The following KCNC3 variants were observed in gnomAD, a reference collection of about 807,000 sequenced individuals.
KCNC3 encodes the protein potassium voltage-gated channel subfamily C member 3, also known as voltage-gated potassium channel KCNC3.
KCNC3 carries 22 observed loss-of-function variants against 43.9 expected under a neutral mutation model. That is an observed-to-expected ratio of 0.50 (90% CI 0.36 to 0.72). KCNC3 has a LOEUF of 0.72. KCNC3 is among the 30% of genes least tolerant of loss of function. The pLI, the probability that KCNC3 is intolerant of heterozygous loss-of-function variation, is 0.00. For synonymous variants in KCNC3, 492 were observed against 488.0 expected, an observed-to-expected ratio of 1.01 and a Z score of -0.11; for missense variants, 829 against 1,073.8, an observed-to-expected ratio of 0.77 and a Z score of 3.19.
upstream of KCNC3, among the ~76,000 whole-genome samples, chr19:50,333,249 C>A (rs920725141): frequency 1.3e-5 from 2 of 152,102 alleles, no homozygotes; most frequent in Non-Finnish European, 2.9e-5. Flanking sequence ...GGAGGGGTGA[C>A]CCAGCCCCGG....
At position 50,320,445 on chromosome 19, in the gene KCNC3, C is replaced by T. The variant is rs935501562; in HGVS notation, c.2171-96G>A. 1.0e-5 allele frequency: 7 copies of T among 688,388 alleles called. 1 individual carries two copies. The Admixed American group carries it at 1.4e-4, about 14-fold the overall frequency. 42.6% of individuals were successfully genotyped at this position (688,388 alleles called of 1,614,324 possible). On this transcript the variant is annotated intron_variant, in intron 3 of 4. Transcript: ENST00000477616. Reference sequence around the variant, plus strand: ...GGTGAGGAAACTTGGGGCGGGGGTACAGGGAAGATCTGGGAGGGAGGCAGT... The same window carrying T: ...GGTGAGGAAACTTGGGGCGGGGGTATAGGGAAGATCTGGGAGGGAGGCAGT...
At chr19:50,316,270 A>T (rs2036952420) in intron 4 of KCNC3, among the ~76,000 whole-genome samples, 179 bp from the exon 5 acceptor site, 1 of 148,400 alleles carries the variant, frequency 6.7e-6, no homozygotes, top group Non-Finnish European at 1.5e-5. Context: ...TCAAATATGG[A>T]AGGAGCTTCC....
At chr19:50,326,279 T>G (rs1225171982) in intron 1 of KCNC3, among the ~76,000 whole-genome samples, 1 of 152,140 alleles carries the variant, frequency 6.6e-6, no homozygotes, top group Non-Finnish European at 1.5e-5. Flanking sequence ...ATCCCGCTCC[T>G]CATCTCAGCA....
Position 50,328,781 on chromosome 19 carries a change from G to A in KCNC3, c.302C>T (p.Thr101Met). The change falls in exon 1 of 5, where the codon ACG becomes ATG. Residue 101 changes from threonine to methionine, a missense_variant. Around this residue, in one of 7 missense-constraint regions of KCNC3, gnomAD observed 121 missense variants for 247.4 expected, o/e 0.49. Coordinates refer to ENST00000477616, the MANE Select transcript of KCNC3 (RefSeq NM_004977.3). Reference sequence around the variant, plus strand: ...CAGGGTGCGCAGCGTCGAGCGGTACGTCTCATGGCGCACGCCGCCCACGTT... The same window carrying A: ...CAGGGTGCGCAGCGTCGAGCGGTACATCTCATGGCGCACGCCGCCCACGTT... The part of the protein sequence containing the change: ...VINVGGVRHE[T>M]YRSTLRTLPG... The A allele has an allele frequency of 1.3e-6, 2 of 1,572,480 alleles. No individual in the cohort carries two copies. The highest frequency in any genetic ancestry group is 1.4e-5 in the African/African-American group (1 of 73,840).
intron 4 of KCNC3, among the ~76,000 whole-genome samples, chr19:50,317,819 T>TG (rs1200547556): frequency 6.6e-6 from 1 of 152,158 alleles, no homozygotes; most frequent in Non-Finnish European, 1.5e-5. Flanking sequence ...CCCCCAGAGA[T>TG]GGGGTCTTAC....
chr19:50,321,964 G>A (rs1411528189), intron 2 of KCNC3, among the ~76,000 whole-genome samples: 1 of 151,994 alleles, frequency 6.6e-6, no homozygotes, highest in Non-Finnish European at 1.5e-5. Context: ...AAGAGTGCTG[G>A]GCTCTGGGAA....
Position 50,323,733 on chromosome 19 carries a change from T to C in KCNC3, c.1220A>G (p.Lys407Arg). The C allele has an allele frequency of 6.2e-7, 1 of 1,614,208 alleles. No homozygotes were observed. ...GLSGLSSKAA[K>R]DVLGFLRVVR... ...CACCCGCAGGAAGCCCAGCACGTCTTTGGCGGCCTTGGAGCTGAGGCCCGA... is the reference window on the plus strand; with the variant it reads ...CACCCGCAGGAAGCCCAGCACGTCTCTGGCGGCCTTGGAGCTGAGGCCCGA... Residue 407 changes from lysine to arginine, a missense_variant, in exon 2 of 5, where the codon AAA becomes AGA. Transcript: ENST00000477616.
intron 1 of KCNC3, among the ~76,000 whole-genome samples, chr19:50,327,142 A>T (rs1392165011): frequency 1.3e-5 from 2 of 151,874 alleles, no homozygotes; most frequent in East Asian, 1.9e-4. Flanking sequence ...AGGGATAGAG[A>T]GTGCACTGTG....
chr19:50,317,153 G>C (rs2036967102), intron 4 of KCNC3, among the ~76,000 whole-genome samples: 1 of 151,332 alleles, frequency 6.6e-6, no homozygotes, highest in African/African-American at 2.4e-5. Flanking sequence ...GGAGGAGTTA[G>C]ATAGGAGCAG....
intron 4 of KCNC3, among the ~76,000 whole-genome samples, chr19:50,316,715 G>A (rs918312774): frequency 6.6e-6 from 1 of 151,950 alleles, no homozygotes; most frequent in African/African-American, 2.4e-5. Flanking sequence ...CAGCCTGGGC[G>A]ACAGAGCGAG....
intron 1 of KCNC3, among the ~76,000 whole-genome samples, chr19:50,326,663 T>A (rs895406259): frequency 2.6e-5 from 4 of 152,014 alleles, no homozygotes; most frequent in Non-Finnish European, 5.9e-5. Context: ...CATTTTGCAC[T>A]GCCCCCCTTT....
chr19:50,332,079 T>C (rs1476046357), upstream of KCNC3, among the ~76,000 whole-genome samples: 1 of 152,166 alleles, frequency 6.6e-6, no homozygotes, highest in East Asian at 1.9e-4. The surrounding 1 kb of genome is among the most constrained non-coding windows in gnomAD (Gnocchi z 5.8). Flanking sequence ...ACATAGGTAC[T>C]TCCTACCCCT....
chr19:50,312,688 G>A lies in KCNC3; in HGVS notation c.*3427C>T, dbSNP rs1169916936. 6.6e-6 allele frequency: 1 copy of A among 152,256 alleles called. No individual in the cohort carries two copies. The highest frequency in any genetic ancestry group is 2.4e-5 in the African/African-American group (1 of 41,454). The allele number at this position is 152,256 out of a possible 1,614,324, so 9.4% of individuals were successfully genotyped here. ...GGTACGTGTGGCGGACTGGCGAGCAGGGGGAGACGTTGGGAAGAGGTCAGT... is the reference window on the plus strand; with the variant it reads ...GGTACGTGTGGCGGACTGGCGAGCAAGGGGAGACGTTGGGAAGAGGTCAGT... On this transcript the variant is annotated 3_prime_UTR_variant, in exon 5 of 5. Transcript: ENST00000477616.
rs748735877 is a variant in KCNC3 at position 50,320,779 on chromosome 19, G to A, written c.1984C>T (p.Arg662Cys). 32 of 1,613,640 alleles carry A rather than the reference G, an allele frequency of 2.0e-5. No homozygotes were observed. Among genetic ancestry groups the A allele is most frequent in the African/African-American group, 2.7e-5 (2 of 74,880 alleles). The change falls in exon 3 of 5, where the codon CGC (arginine) becomes TGC (cysteine). Residue 662 changes from arginine to cysteine, a missense_variant. By Grantham distance (180) the Arg-to-Cys change is radical (BLOSUM62 -3). Around this residue, in one of 7 missense-constraint regions of KCNC3, gnomAD observed 308 missense variants for 276.2 expected, o/e 1.11. Transcript: ENST00000477616. ...GCTGCTGCCGGATCCCCATTGGGGCGAGGATCTGCATCCCAAGGGGGTCAG... is the reference window on the plus strand; with the variant it reads ...GCTGCTGCCGGATCCCCATTGGGGCAAGGATCTGCATCCCAAGGGGGTCAG... Reference protein sequence around the residue: ...EVIEINRADPRPNGDPAAAAL... With the variant: ...EVIEINRADPCPNGDPAAAAL...
Position 50,328,967 on chromosome 19 carries a change from T to TGCGGCGGCAGCGGTGGCG in KCNC3, c.98_115dup (p.Pro33_Pro38dup). 1.0e-6 allele frequency: 1 copy of TGCGGCGGCAGCGGTGGCG among 970,912 alleles called. No homozygotes were observed. Among genetic ancestry groups the TGCGGCGGCAGCGGTGGCG allele is most frequent in the Non-Finnish European group, 1.3e-6 (1 of 774,994 alleles). The allele number at this position is 970,912 out of a possible 1,614,324, so 60.1% of individuals were successfully genotyped here. A position where few individuals can be genotyped will look rare whatever the true frequency, so the allele number is the denominator to read the frequency against. On this transcript the variant is annotated inframe_insertion, in exon 1 of 5. Coordinates refer to ENST00000477616, the MANE Select transcript of KCNC3 (RefSeq NM_004977.3). ...GCCGGGCTGCGCAGGCTGCTGCTGCTGCGGCGGCAGCGGTGGCGGCGGCGG... is the reference window on the plus strand; with the variant it reads ...GCCGGGCTGCGCAGGCTGCTGCTGCTGCGGCGGCAGCGGTGGCGGCGGCGGCAGCGGTGGCGGCGGCGG...
intron 1 of KCNC3, among the ~76,000 whole-genome samples, 164 bp downstream of exon 1, chr19:50,328,049 G>T (rs1601102140): frequency 6.7e-6 from 1 of 150,184 alleles, no homozygotes; most frequent in Admixed American, 6.6e-5. Context: ...CGAGAGGGGG[G>T]TGTGTTCGGA....
chr19:50,328,578 C>T lies in KCNC3; in HGVS notation c.505G>A (p.Glu169Lys). 1 of 1,611,142 alleles carries T rather than the reference C, an allele frequency of 6.2e-7. No individual in the cohort carries two copies. The highest frequency in any genetic ancestry group is 8.5e-7 in the Non-Finnish European group (1 of 1,179,566). The change falls in exon 1 of 5, where the codon GAG becomes AAG. Residue 169 changes from glutamate to lysine, a missense_variant. Physicochemically the swap from Glu to Lys is moderately conservative, Grantham distance 56 (BLOSUM62 1). Around this residue, in one of 7 missense-constraint regions of KCNC3, gnomAD observed 121 missense variants for 247.4 expected, o/e 0.49. Coordinates refer to ENST00000477616, the MANE Select transcript of KCNC3 (RefSeq NM_004977.3). ...TCGATGCCCCAGAAGCCGAGCTCCT[C>T]CTCAAACAGGGGCCCGCACACGTCG... Reference protein sequence around the residue: ...PADVCGPLFEEELGFWGIDET... With the variant: ...PADVCGPLFEKELGFWGIDET...
intron 1 of KCNC3, among the ~76,000 whole-genome samples, chr19:50,325,382 C>T (rs2037089539): frequency 6.6e-6 from 1 of 152,102 alleles, no homozygotes; most frequent in Non-Finnish European, 1.5e-5. Context: ...ACTGCTGGAC[C>T]ACAGAGAGGA....
chr19:50,331,667 C>A (rs2037190983), upstream of KCNC3, among the ~76,000 whole-genome samples: 2 of 151,076 alleles, frequency 1.3e-5, no homozygotes, highest in Non-Finnish European at 2.9e-5. Context: ...CCGTCTCTTT[C>A]CCTCCTCTGT....
Sources: allele counts gnomAD v4.1 joint callset (sites outside exome capture counted in the v4.1 genomes callset), GRCh38; gene constraint gnomAD v4.1.1; regional missense constraint gnomAD v4.1.1; non-coding constraint Gnocchi (gnomAD v3.1); transcripts MANE v1.5; gene names NCBI Gene and HGNC (gene_info 2026-07-23, HGNC 2026-07-21).